Variants in RAI14 observed in about 807,000 individuals in gnomAD.
RAI14 encodes the protein ankycorbin.
A neutral mutation model predicts 115.4 loss-of-function variants in RAI14; 45 were observed. That is an observed-to-expected ratio of 0.39 (90% confidence interval 0.31 to 0.50). The LOEUF (loss-of-function observed/expected upper bound fraction) is 0.50, where lower values mean the gene tolerates loss of function less well. Among genes scored for constraint, RAI14 ranks in the 20% least tolerant of loss-of-function variants. The pLI, the probability that RAI14 is intolerant of heterozygous loss-of-function variation, is 0.85. For synonymous variants in RAI14, 371 were observed against 415.4 expected, an observed-to-expected ratio of 0.89 and a Z score of 1.30; for missense variants, 939 against 1,131.2, an observed-to-expected ratio of 0.83 and a Z score of 2.44.
At chr5:34,742,755 C>G (rs1294940257) in intron 2 of RAI14, among the ~76,000 whole-genome samples, 1 of 152,086 alleles carries the variant, frequency 6.6e-6, no homozygotes, top group African/African-American at 2.4e-5. Flanking sequence ...CCTCTGCCGT[C>G]CCAGTTCAAG....
At chr5:34,722,969 A>G (rs1742970687) in intron 2 of RAI14, among the ~76,000 whole-genome samples, 1 of 150,762 alleles carries the variant, frequency 6.6e-6, no homozygotes, top group Non-Finnish European at 1.5e-5. Context: ...GCATGGTGGT[A>G]TGCACTTATA....
chr5:34,730,058 T>G (rs1225379825), intron 2 of RAI14, among the ~76,000 whole-genome samples: 1 of 152,172 alleles, frequency 6.6e-6, no homozygotes, highest in Non-Finnish European at 1.5e-5. Context: ...GGGTCTAAAA[T>G]GGGGTTACAG....
chr5:34,712,026 A>G (rs1741460846), intron 2 of RAI14, among the ~76,000 whole-genome samples: 1 of 152,062 alleles, frequency 6.6e-6, no homozygotes, highest in African/African-American at 2.4e-5. Context: ...AGTGGAACCT[A>G]TAGATTGAGG....
chr5:34,731,691 G>GA (rs796884046), intron 2 of RAI14, among the ~76,000 whole-genome samples: 13 of 151,062 alleles, frequency 8.6e-5, no homozygotes, highest in Admixed American at 2.0e-4. Flanking sequence ...CTCATCTGGG[G>GA]AAAAAAAAAT....
At chr5:34,746,448 A>C (rs1236992799) in intron 2 of RAI14, among the ~76,000 whole-genome samples, 2 of 148,184 alleles carry the variant, frequency 1.3e-5, no homozygotes, top group African/African-American at 5.0e-5. Flanking sequence ...TCTGTAGCCT[A>C]GGCTGGAGTG....
chr5:34,815,362 A>G (rs1296351997), intron 12 of RAI14, among the ~76,000 whole-genome samples: 1 of 151,044 alleles, frequency 6.6e-6, no homozygotes, highest in East Asian at 1.9e-4. Context: ...GCTTGGCAAC[A>G]GGGCGAGACT....
intron 16 of RAI14, 152 bp from the exon 17 acceptor site, chr5:34,829,580 A>G: frequency 1.8e-6 from 1 of 554,816 alleles, no homozygotes; most frequent in Non-Finnish European, 3.2e-6. Flanking sequence ...ACAAGCCAGT[A>G]AGGCCACAAC....
intron 2 of RAI14, among the ~76,000 whole-genome samples, chr5:34,704,734 C>T (rs1291895816): frequency 6.6e-6 from 1 of 152,180 alleles, no homozygotes; most frequent in Non-Finnish European, 1.5e-5. Flanking sequence ...AGCAGAATCT[C>T]ATGAAGGTTT....
chr5:34,671,867 C>T (rs991330322), intron 1 of RAI14, among the ~76,000 whole-genome samples: 2 of 151,798 alleles, frequency 1.3e-5, no homozygotes, highest in South Asian at 2.1e-4. Context: ...CAGTACTGGT[C>T]TAAATAATAT....
At chr5:34,742,599 G>A (rs1215915570) in intron 2 of RAI14, among the ~76,000 whole-genome samples, 1 of 152,072 alleles carries the variant, frequency 6.6e-6, no homozygotes, top group East Asian at 1.9e-4. Flanking sequence ...CATTTGACGT[G>A]TGCAGCAGCC....
chr5:34,749,224 T>C (rs1204078950), intron 2 of RAI14, among the ~76,000 whole-genome samples: 2 of 152,198 alleles, frequency 1.3e-5, no homozygotes, highest in African/African-American at 2.4e-5. Context: ...TAATCTCAGA[T>C]AGATTCCTCC....
intron 1 of RAI14, among the ~76,000 whole-genome samples, chr5:34,665,170 T>TAC (rs1326556503): frequency 0.013 from 245 of 18,276 alleles, 74 homozygotes; most frequent in African/African-American, 0.032. Context: ...TATATATATA[T>TAC]ATACACACAT....
intron 2 of RAI14, among the ~76,000 whole-genome samples, chr5:34,699,773 GCA>G (rs1739808547): frequency 6.6e-6 from 1 of 152,206 alleles, no homozygotes; most frequent in Non-Finnish European, 1.5e-5. Flanking sequence ...CACTGCTGGT[GCA>G]CACGGGTGTT....
chr5:34,829,743 A>G lies in RAI14; in HGVS notation c.2811A>G (p.Lys937=), dbSNP rs1239394980. 5 of 1,611,162 alleles carry G rather than the reference A, an allele frequency of 3.1e-6. No homozygotes were observed. The Admixed American group carries it at 6.7e-5, about 22-fold the overall frequency. ...TATTCCCTTTCTAGGAATGCAAGAA[A>G]CAACACCAGGAGGTCATATCAGTTT... The part of the protein sequence containing the change: ...QLQNQLAECK[K]QHQEVISVYR... Residue 937 remains lysine (K), a synonymous_variant, in exon 17 of 18, where the codon AAA becomes AAG. Coordinates refer to ENST00000265109, the MANE Select transcript of RAI14 (RefSeq NM_015577.3).
chr5:34,694,093 T>G (rs74405356), intron 2 of RAI14, among the ~76,000 whole-genome samples: 4,139 of 152,340 alleles, frequency 0.027, 197 homozygotes, highest in African/African-American at 0.095. Flanking sequence ...ACACAATACT[T>G]TTCCAGCTAG....
intron 1 of RAI14, among the ~76,000 whole-genome samples, chr5:34,681,933 G>A (rs1264884446): frequency 1.4e-5 from 2 of 143,258 alleles, no homozygotes; most frequent in African/African-American, 5.2e-5. Flanking sequence ...TTGGCTCACC[G>A]CAACCTCTGC....
chr5:34,730,223 C>T (rs527628575), intron 2 of RAI14, among the ~76,000 whole-genome samples: 2 of 152,328 alleles, frequency 1.3e-5, no homozygotes, highest in South Asian at 2.1e-4. Flanking sequence ...TGATTGATAT[C>T]CAGTGCTCTC....
chr5:34,729,101 C>T (rs992350473), intron 2 of RAI14, among the ~76,000 whole-genome samples: 2 of 152,134 alleles, frequency 1.3e-5, no homozygotes, highest in Admixed American at 6.6e-5. Context: ...TGTGGTGGCT[C>T]ATGCCTAGCA....
In RAI14 at chr5:34,732,529, C is replaced by T. The variant is rs190135547; in HGVS notation, c.37-24939C>T. On this transcript the variant is annotated intron_variant, in intron 2 of 17. Coordinates refer to ENST00000265109, the MANE Select transcript of RAI14 (RefSeq NM_015577.3). Reference sequence around the variant, plus strand: ...TCTTGGCTCACTGCACCCTCTGCCTCCCGGGTTCAAGCAATCCTCCTGCCT... The same window carrying T: ...TCTTGGCTCACTGCACCCTCTGCCTTCCGGGTTCAAGCAATCCTCCTGCCT... Among the ~76,000 whole-genome samples the T allele has an allele frequency of 1.1e-4, 17 of 150,816 alleles. No homozygotes were observed. The East Asian group carries it at 2.5e-3, about 23-fold the overall frequency.
Sources: gnomAD v4.1 joint callset for allele counts (sites outside exome capture counted in the v4.1 genomes callset) on GRCh38, gnomAD v4.1.1 for gene constraint, MANE v1.5 for transcripts, NCBI Gene and HGNC (gene_info 2026-07-23, HGNC 2026-07-21) for gene names.